Variants in FAS observed in about 807,000 individuals in gnomAD.
The protein encoded by FAS is tumor necrosis factor receptor superfamily member 6.
In FAS, 5 loss-of-function variants were observed where a neutral mutation model predicts 33.2. The observed-to-expected ratio is 0.15, with a 90% CI of 0.08 to 0.32. FAS has a LOEUF of 0.32. FAS is among the 10% of genes least tolerant of loss of function. The probability of loss-of-function intolerance (pLI) is 1.00; values close to 1 mark genes in which losing one functional copy is unlikely to be tolerated. For synonymous variants in FAS, 131 were observed against 130.7 expected, an observed-to-expected ratio of 1.00 and a Z score of -0.01; for missense variants, 339 against 386.0, an observed-to-expected ratio of 0.88 and a Z score of 1.02.
At chr10:88,997,779 G>A (rs1847686620) in intron 1 of FAS, among the ~76,000 whole-genome samples, 1 of 152,106 alleles carries the variant, frequency 6.6e-6, no homozygotes, top group African/African-American at 2.4e-5. Context: ...AAGTCTACAA[G>A]CAGACAAGCA....
At chr10:89,011,916 A>T in intron 6 of FAS, 83 bp from the exon 7 acceptor site, 3 of 1,227,058 alleles carry the variant, frequency 2.4e-6, no homozygotes, top group Admixed American at 3.7e-5. Context: ...TCCTTCTTAT[A>T]TTTCTCTTAG....
chr10:89,005,554 C>T (rs1415157415), intron 2 of FAS, among the ~76,000 whole-genome samples: 1 of 151,868 alleles, frequency 6.6e-6, no homozygotes, highest in Non-Finnish European at 1.5e-5. Context: ...CATGCATATA[C>T]ATGTATGTAT....
At chr10:88,980,024 A>C (rs1444988369) in intron 2 of FAS, among the ~76,000 whole-genome samples, 1 of 152,272 alleles carries the variant, frequency 6.6e-6, no homozygotes, top group Non-Finnish European at 1.5e-5. Flanking sequence ...TAGTTTCAGA[A>C]GATGGCCAGC....
upstream of FAS, among the ~76,000 whole-genome samples, chr10:88,981,788 A>G (rs1410725427): frequency 6.6e-6 from 1 of 152,164 alleles, no homozygotes; most frequent in African/African-American, 2.4e-5. Flanking sequence ...GTGGGTATGT[A>G]AAGGTTTCAG....
intron 1 of FAS, among the ~76,000 whole-genome samples, chr10:88,970,350 G>T (rs959937246): frequency 1.3e-5 from 2 of 151,774 alleles, no homozygotes; most frequent in African/African-American, 4.8e-5. Flanking sequence ...TGTCCTCTTC[G>T]CTGAGTTCCT....
chr10:88,982,120 C>T (rs1410621785), upstream of FAS, among the ~76,000 whole-genome samples: 2 of 152,172 alleles, frequency 1.3e-5, no homozygotes, highest in African/African-American at 2.4e-5. Flanking sequence ...TGGTTCAAAC[C>T]CCAGCTCTAC....
intron 2 of FAS, among the ~76,000 whole-genome samples, chr10:89,003,820 C>A (rs539165250): frequency 3.0e-4 from 46 of 152,122 alleles, no homozygotes; most frequent in African/African-American, 1.1e-3. Context: ...ATTTCTTCAA[C>A]TTTGAGTAGA....
At chr10:88,982,991 C>T (rs1009282055), upstream of FAS, among the ~76,000 whole-genome samples, 3 of 152,164 alleles carry the variant, frequency 2.0e-5, no homozygotes, top group Admixed American at 6.5e-5. Context: ...CAGAACGTGG[C>T]ATCAACATCA....
In FAS at chr10:89,013,094, C is replaced by A. The variant is rs1262532656; in HGVS notation, c.652-249C>A. Among the ~76,000 whole-genome samples, 5 of 151,962 alleles carry A rather than the reference C, an allele frequency of 3.3e-5. No individual in the cohort carries two copies. The East Asian group carries it at 5.8e-4, about 18-fold the overall frequency. The stretch of plus-strand genomic sequence containing the variant: ...ATAACCTCAACCTATTTTATGAATT[C>A]TTTAGGTTTCTTGCCTTTAAAAACT... On this transcript the variant is annotated intron_variant, in intron 7 of 8. Transcript: ENST00000652046.
rs1848632852 is a variant in FAS at position 89,013,504 on chromosome 10, G to T, written c.676+137G>T. The T allele has an allele frequency of 3.7e-6, 3 of 820,064 alleles. No homozygotes were observed. In the South Asian group the frequency reaches 4.8e-5, roughly 13 times the overall value. 50.8% of individuals were successfully genotyped at this position (820,064 alleles called of 1,614,324 possible). On this transcript the variant is annotated intron_variant, in intron 8 of 8. Coordinates refer to ENST00000652046, the MANE Select transcript of FAS (RefSeq NM_000043.6). ...TTTCTCATACAATTCTACCTGCTCA[G>T]CATAAAGCATTTATCAGGCAGTTTG...
At chr10:88,975,936 C>A (rs1345633068) in intron 2 of FAS, among the ~76,000 whole-genome samples, 2 of 152,124 alleles carry the variant, frequency 1.3e-5, no homozygotes, top group Non-Finnish European at 2.9e-5. Context: ...AATTTCTTTC[C>A]TCTTCATTTG....
upstream of FAS, chr10:88,990,743 G>C (rs954052275): frequency 1.9e-6 from 2 of 1,059,656 alleles, no homozygotes; most frequent in African/African-American, 3.1e-5. The surrounding 1 kb of genome is among the most constrained non-coding windows in gnomAD (Gnocchi z 4.9). Flanking sequence ...CTCAGGGGCG[G>C]GCACTGGCAC....
chr10:88,981,510 G>A (rs112871437), intron 2 of FAS, among the ~76,000 whole-genome samples: 14 of 152,188 alleles, frequency 9.2e-5, no homozygotes, highest in African/African-American at 2.6e-4. Flanking sequence ...ACTAGTATCC[G>A]TGGAAAGGAA....
upstream of FAS, among the ~76,000 whole-genome samples, chr10:88,985,180 C>T (rs763213311): frequency 2.1e-4 from 32 of 152,158 alleles, no homozygotes; most frequent in Non-Finnish European, 1.5e-4. Context: ...TTATGTTTAC[C>T]AGGTGAGAAA....
intron 1 of FAS, among the ~76,000 whole-genome samples, chr10:89,001,457 G>C (rs899707705): frequency 6.6e-6 from 1 of 151,478 alleles, no homozygotes; most frequent in African/African-American, 2.4e-5. Flanking sequence ...GCCTGAATGG[G>C]GGTCTATATT....
upstream of FAS, among the ~76,000 whole-genome samples, chr10:88,986,183 G>C (rs192888480): frequency 4.5e-4 from 69 of 152,246 alleles, no homozygotes; most frequent in African/African-American, 1.6e-3. Flanking sequence ...GCCCACTCAG[G>C]ATGAAATTTT....
chr10:89,015,805 T>C lies in FAS; in HGVS notation c.*1355T>C. On this transcript the variant is annotated 3_prime_UTR_variant, in exon 9 of 9. Coordinates refer to ENST00000652046, the MANE Select transcript of FAS (RefSeq NM_000043.6). ...TTGGTATTTCTGGTTTTCTCTTTTT[T>C]GGTAGGGGCTTGCTTTTTGGTTTTG... The C allele has an allele frequency of 2.2e-6, 1 of 461,402 alleles. No homozygotes were observed. The highest frequency in any genetic ancestry group is 4.1e-6 in the Non-Finnish European group (1 of 242,632). The allele number at this position is 461,402 out of a possible 1,614,324, so 28.6% of individuals were successfully genotyped here. A position where few individuals can be genotyped will look rare whatever the true frequency, so the allele number is the denominator to read the frequency against.
At chr10:89,002,812 G>A (rs759831688) in intron 1 of FAS, 18 of 550,270 alleles carry the variant, frequency 3.3e-5, no homozygotes, top group Non-Finnish European at 5.6e-5. Flanking sequence ...ATCATTCATG[G>A]TGCTGTTTCT....
chr10:89,008,118 T>C (rs756820208), intron 3 of FAS, among the ~76,000 whole-genome samples: 2 of 152,196 alleles, frequency 1.3e-5, no homozygotes, highest in African/African-American at 2.4e-5. Context: ...GAAATTATTT[T>C]TTTTCTGGCC....
Sources: gnomAD v4.1 joint callset for allele counts (sites outside exome capture counted in the v4.1 genomes callset) on GRCh38, gnomAD v4.1.1 for gene constraint, Gnocchi (gnomAD v3.1) non-coding constraint, MANE v1.5 for transcripts, NCBI Gene and HGNC (gene_info 2026-07-23, HGNC 2026-07-21) for gene names.